PPP3R1: variants seen among roughly 807,000 people sequenced by gnomAD.
The protein encoded by PPP3R1 is calcineurin subunit B type 1.
A neutral mutation model predicts 22.6 loss-of-function variants in PPP3R1; 5 were observed. That is an observed-to-expected ratio of 0.22 (90% CI 0.12 to 0.46). The LOEUF (loss-of-function observed/expected upper bound fraction) is 0.46, where lower values mean the gene tolerates loss of function less well. PPP3R1 is among the 20% of genes least tolerant of loss of function. The probability of loss-of-function intolerance (pLI) is 0.99; values close to 1 mark genes in which losing one functional copy is unlikely to be tolerated. For missense variants in PPP3R1, 61 were observed against 203.2 expected (o/e 0.30, Z 4.25); for synonymous variants, 56 against 65.2 (o/e 0.86, Z 0.68).
intron 1 of PPP3R1, among the ~76,000 whole-genome samples, chr2:68,251,472 TG>T (rs1307526717): frequency 6.6e-6 from 1 of 152,178 alleles, no homozygotes; most frequent in African/African-American, 2.4e-5. Flanking sequence ...ACAAACACCT[TG>T]GATCTTTCCG....
chr2:68,212,374 C>G (rs1669503160), intron 2 of PPP3R1, among the ~76,000 whole-genome samples: 1 of 152,216 alleles, frequency 6.6e-6, no homozygotes, highest in African/African-American at 2.4e-5. Flanking sequence ...AGCCACTGTG[C>G]CTGGCCCTTT....
At chr2:68,209,354 GTC>G (rs1175465778) in intron 2 of PPP3R1, among the ~76,000 whole-genome samples, 129 of 46,664 alleles carry the variant, frequency 2.8e-3, no homozygotes, top group Middle Eastern at 0.028. Flanking sequence ...GCGAGACTCT[GTC>G]TCAAAAAAAA....
rs147853612 is a variant in PPP3R1 at position 68,223,311 on chromosome 2, G to A, written c.4-6180C>T. 3.0e-4 allele frequency among the ~76,000 whole-genome samples: 45 copies of A among 152,270 alleles called. No homozygotes were observed. The East Asian group carries it at 6.9e-3, about 23-fold the overall frequency. On this transcript the variant is annotated intron_variant, in intron 1 of 5. Coordinates refer to ENST00000234310, the MANE Select transcript of PPP3R1 (RefSeq NM_000945.4). ...CTTGGGACGCTGAGGCAGAAGAATC[G>A]CTTGAACCTGGGAGGTGGAAGTTGC...
rs184465123 is a variant in PPP3R1 at position 68,202,996 on chromosome 2, G to A, written c.43+14096C>T. Among the ~76,000 whole-genome samples the A allele has an allele frequency of 3.9e-3, 599 of 151,898 alleles. 1 individual carries two copies. The highest frequency in any genetic ancestry group is 5.0e-3 in the Non-Finnish European group (342 of 67,924). ...TTGAATCCAGGGATTATTAAAAACC[G>A]TCTGTAACACTAAAACAAGGTAACC... On this transcript the variant is annotated intron_variant, in intron 2 of 5. Transcript: ENST00000234310.
At chr2:68,193,556 G>C (rs556036858) in intron 2 of PPP3R1, among the ~76,000 whole-genome samples, 1 of 152,086 alleles carries the variant, frequency 6.6e-6, no homozygotes, top group Non-Finnish European at 1.5e-5. Flanking sequence ...CAAGATCTAC[G>C]AAAGTCAGCT....
intron 1 of PPP3R1, among the ~76,000 whole-genome samples, chr2:68,224,557 G>A (rs1031013005): frequency 3.3e-5 from 5 of 151,938 alleles, no homozygotes; most frequent in African/African-American, 7.3e-5. Context: ...CCAGCTACTC[G>A]GGAAGCTGAG....
intron 3 of PPP3R1, among the ~76,000 whole-genome samples, chr2:68,188,260 A>G (rs1358550175): frequency 6.6e-6 from 1 of 152,160 alleles, no homozygotes; most frequent in Non-Finnish European, 1.5e-5. Context: ...TAATTTTCTA[A>G]AAAGAAAGGA....
chr2:68,190,472 A>G (rs1485341389), intron 2 of PPP3R1, among the ~76,000 whole-genome samples: 1 of 152,116 alleles, frequency 6.6e-6, no homozygotes, highest in Non-Finnish European at 1.5e-5. Flanking sequence ...AGGCTGAGGC[A>G]GGAGAAGCGC....
At chr2:68,243,539 T>TTTAATAATTTGTTATCCATG (rs1285552213) in intron 1 of PPP3R1, among the ~76,000 whole-genome samples, 1 of 152,178 alleles carries the variant, frequency 6.6e-6, no homozygotes. Flanking sequence ...TATTTTCTCT[T>TTTAATAATTTGTTATCCATG]TTAATAATTT....
chr2:68,188,485 G>A (rs771405730), intron 3 of PPP3R1, 29 bp downstream of exon 3: 6 of 1,464,154 alleles, frequency 4.1e-6, no homozygotes, highest in African/African-American at 1.5e-5. Context: ...TAGATAACTT[G>A]TGGTTATAAA....
intron 1 of PPP3R1, among the ~76,000 whole-genome samples, chr2:68,244,205 C>T (rs1670187629): frequency 2.0e-5 from 3 of 152,174 alleles, no homozygotes; most frequent in African/African-American, 7.2e-5. Flanking sequence ...AAAGCAAAGA[C>T]TGCCAAAGTA....
chr2:68,230,606 T>C (rs1247958225), intron 1 of PPP3R1, among the ~76,000 whole-genome samples: 5 of 131,992 alleles, frequency 3.8e-5, no homozygotes, highest in Admixed American at 3.7e-4. Flanking sequence ...CTTTTACACT[T>C]TGAATTGTTC....
intron 1 of PPP3R1, among the ~76,000 whole-genome samples, chr2:68,245,015 A>G (rs1264221325): frequency 6.6e-6 from 1 of 152,214 alleles, no homozygotes; most frequent in South Asian, 2.1e-4. Flanking sequence ...TGACCATTCC[A>G]TCAGTATTTT....
chr2:68,198,062 C>CAAAAAAAAAAAAAAAAA lies in PPP3R1; in HGVS notation c.44-9389_44-9373dup, dbSNP rs199824687. 3.8e-4 allele frequency among the ~76,000 whole-genome samples: 16 copies of CAAAAAAAAAAAAAAAAA among 42,000 alleles called. 4 individuals carry two copies. Among genetic ancestry groups the CAAAAAAAAAAAAAAAAA allele is most frequent in the African/African-American group, 1.8e-3 (16 of 9,096 alleles). 27.6% of individuals were successfully genotyped at this position (42,000 alleles called of 152,430 possible). A position where few individuals can be genotyped will look rare whatever the true frequency, so the allele number is the denominator to read the frequency against. On this transcript the variant is annotated intron_variant, in intron 2 of 5. Transcript: ENST00000234310. ...GCTCCCTTTACAACGGCACCTTTGG[C>CAAAAAAAAAAAAAAAAA]AAAAAAAAAAAAAAAAAAAAAAAAA...
chr2:68,234,340 C>A (rs62143865), intron 1 of PPP3R1, among the ~76,000 whole-genome samples: 6 of 149,932 alleles, frequency 4.0e-5, no homozygotes, highest in African/African-American at 1.5e-4. Context: ...GAGACTCCGT[C>A]CAAAAAAAAA....
chr2:68,186,708 T>C (rs1011082911), intron 4 of PPP3R1, 56 bp from the exon 5 acceptor site: 3 of 1,414,440 alleles, frequency 2.1e-6, no homozygotes, highest in Non-Finnish European at 2.9e-6. Flanking sequence ...AAGTAAATGC[T>C]TTCAGTAAGA....
chr2:68,198,499 A>ATACGTATATATGCG (rs1220828717), intron 2 of PPP3R1, among the ~76,000 whole-genome samples: 2 of 150,710 alleles, frequency 1.3e-5, no homozygotes, highest in East Asian at 3.9e-4. Context: ...ATATACATAT[A>ATACGTATATATGCG]TATGTGTATA....
At chr2:68,241,788 G>T (rs1670142846) in intron 1 of PPP3R1, among the ~76,000 whole-genome samples, 1 of 144,676 alleles carries the variant, frequency 6.9e-6, no homozygotes, top group African/African-American at 2.6e-5. Flanking sequence ...AGGTTGCAGT[G>T]AACCGAGATT....
intron 1 of PPP3R1, among the ~76,000 whole-genome samples, chr2:68,241,927 A>G (rs1256335190): frequency 2.6e-5 from 4 of 152,168 alleles, no homozygotes; most frequent in Admixed American, 6.5e-5. Flanking sequence ...AGCAGTATCT[A>G]ATGGAAACTT....
Sources: gnomAD v4.1 joint callset for allele counts (sites outside exome capture counted in the v4.1 genomes callset) on GRCh38, gnomAD v4.1.1 for gene constraint, MANE v1.5 for transcripts, NCBI Gene and HGNC (gene_info 2026-07-23, HGNC 2026-07-21) for gene names.